Variants in NUDT6 observed in about 807,000 individuals in gnomAD.
NUDT6 encodes the protein nudix hydrolase 6, also known as FAD diphosphatase NUDT6.
A neutral mutation model predicts 36.8 loss-of-function variants in NUDT6; 24 were observed. The ratio of observed to expected loss-of-function variants is 0.65; its 90% CI spans 0.47 to 0.92. The LOEUF (loss-of-function observed/expected upper bound fraction) is 0.92. Ranked by LOEUF, NUDT6 falls within the 40% of genes least tolerant of loss-of-function variation. The probability of loss-of-function intolerance (pLI) is 0.00; values close to 1 mark genes in which losing one functional copy is unlikely to be tolerated. For missense variants in NUDT6, 388 were observed against 392.8 expected (o/e 0.99, Z 0.10); for synonymous variants, 163 against 157.0 (o/e 1.04, Z -0.29).
At chr4:122,909,486 G>T (rs1727688145) in intron 3 of NUDT6, among the ~76,000 whole-genome samples, 1 of 152,134 alleles carries the variant, frequency 6.6e-6, no homozygotes, top group South Asian at 2.1e-4. Flanking sequence ...AAACATGATA[G>T]AATTAAAATT....
Position 122,917,699 on chromosome 4 carries a change from C to T in NUDT6, c.244G>A (p.Val82Ile), listed in dbSNP as rs1347392649. Residue 82 changes from valine to isoleucine, a missense_variant, in exon 2 of 5, where the codon GTA becomes ATA. Physicochemically the swap from Val to Ile is conservative, Grantham distance 29. Transcript: ENST00000304430. ...CTACCTTCTGATCGCCATTGCTGTA[C>T]TGCAGCTAAATGCAGAAGAAAAAAG... Reference protein sequence around the residue: ...AAFQKGLQAAVQQWRSEGRTA... With the variant: ...AAFQKGLQAAIQQWRSEGRTA... The T allele has an allele frequency of 1.2e-6, 2 of 1,613,788 alleles. No homozygotes were observed. The highest frequency in any genetic ancestry group is 1.7e-6 in the Non-Finnish European group (2 of 1,179,864).
chr4:122,917,349 A>G, intron 2 of NUDT6, 152 bp downstream of exon 2: 1 of 692,228 alleles, frequency 1.4e-6, no homozygotes. Flanking sequence ...GGGGTCTTGG[A>G]ACACATCCTG....
rs183112724 is a variant in NUDT6 at position 122,913,579 on chromosome 4, A to T, written c.443-956T>A. Among the ~76,000 whole-genome samples the T allele has an allele frequency of 6.5e-4, 99 of 152,326 alleles. 1 individual carries two copies. The highest frequency in any genetic ancestry group is 2.3e-3 in the African/African-American group (96 of 41,568). ...ACAACACAGGCTGTGCCCCCTGATG[A>T]TCCAAATCTCAAATATCTCAATATT... On this transcript the variant is annotated intron_variant, in intron 2 of 4. Transcript: ENST00000304430.
At chr4:122,904,905 C>G (rs926928533) in intron 3 of NUDT6, among the ~76,000 whole-genome samples, 1 of 152,172 alleles carries the variant, frequency 6.6e-6, no homozygotes, top group Non-Finnish European at 1.5e-5. Context: ...CTTGGTCTCA[C>G]TGACTTCAAG....
intron 3 of NUDT6, among the ~76,000 whole-genome samples, chr4:122,907,493 C>G (rs1727642954): frequency 6.7e-6 from 1 of 150,196 alleles, no homozygotes; most frequent in Non-Finnish European, 1.5e-5. Flanking sequence ...CTCAGTCACC[C>G]AGGCTGGAGT....
intron 3 of NUDT6, among the ~76,000 whole-genome samples, chr4:122,912,037 T>A (rs1727742189): frequency 6.6e-6 from 1 of 152,218 alleles, no homozygotes; most frequent in Non-Finnish European, 1.5e-5. Context: ...TTTTATTTTT[T>A]TTCTTCTGCA....
chr4:122,903,946 GTTTGAGT>G (rs1338783471), intron 3 of NUDT6, among the ~76,000 whole-genome samples: 4 of 152,178 alleles, frequency 2.6e-5, no homozygotes, highest in Non-Finnish European at 5.9e-5. Context: ...AGAGCAAGAG[GTTTGAGT>G]TTTAACTGTG....
At chr4:122,900,208 A>G (rs1727492334) in intron 3 of NUDT6, among the ~76,000 whole-genome samples, 1 of 151,884 alleles carries the variant, frequency 6.6e-6, no homozygotes, top group Non-Finnish European at 1.5e-5. Flanking sequence ...CTTCATCCAA[A>G]TCCTTTTCCG....
intron 1 of NUDT6, chr4:122,920,951 T>C (rs1371871976): frequency 6.6e-6 from 1 of 152,230 alleles, no homozygotes. Context: ...AAAGATTATT[T>C]TGAGTTTCCA....
rs573253522 is a variant in NUDT6, at chr4:122,915,390, A to T, written c.442+2111T>A. 4.8e-5 allele frequency among the ~76,000 whole-genome samples: 7 copies of T among 145,080 alleles called. No homozygotes were observed. In the East Asian group the frequency reaches 1.4e-3, roughly 29 times the overall value. ...GAGGCTAAGGCAGGAGGATCACTTG[A>T]GCTAAAGAGGTGGAGGTCGGAATGA... On this transcript the variant is annotated intron_variant, in intron 2 of 4. Transcript: ENST00000304430.
intron 3 of NUDT6, among the ~76,000 whole-genome samples, chr4:122,909,212 C>T (rs1054483093): frequency 5.3e-5 from 8 of 152,012 alleles, no homozygotes; most frequent in African/African-American, 9.7e-5. Context: ...ACCATAGGTG[C>T]GCACCACCAT....
chr4:122,916,529 A>G (rs1469132703), intron 2 of NUDT6, among the ~76,000 whole-genome samples: 1 of 152,214 alleles, frequency 6.6e-6, no homozygotes, highest in Admixed American at 6.5e-5. Flanking sequence ...TCTGCAATAA[A>G]TTTATTCCCT....
chr4:122,900,347 T>G (rs1727495715), intron 3 of NUDT6, among the ~76,000 whole-genome samples: 1 of 139,660 alleles, frequency 7.2e-6, no homozygotes, highest in Admixed American at 6.9e-5. Flanking sequence ...AAACTTCCTT[T>G]TTTTCCTTCG....
intron 4 of NUDT6, chr4:122,895,325 G>A (rs764883431): frequency 1.3e-5 from 2 of 152,096 alleles, no homozygotes; most frequent in African/African-American, 2.4e-5. Context: ...TTTTATTTTT[G>A]CTGATGAAGA....
rs918574672 is a variant in NUDT6 at position 122,922,481 on chromosome 4, C to G, written c.92G>C (p.Gly31Ala). The G allele has an allele frequency of 1.9e-6, 3 of 1,611,550 alleles. No homozygotes were observed. Among genetic ancestry groups the G allele is most frequent in the Admixed American group, 3.3e-5 (2 of 59,994 alleles). ...GPSAGYRWAS[G>A]AQGYVRNPPV... ...CGGATTCCGCACGTAACCCTGTGCG[C>G]CCGAGGCCCAGCGGTAACCCGCCGA... Residue 31 changes from glycine (G) to alanine (A), a missense_variant, in exon 1 of 5, where the codon GGC (glycine) becomes GCC (alanine). By Grantham distance (60) the Gly-to-Ala change is moderately conservative (BLOSUM62 0). Transcript: ENST00000304430.
intron 3 of NUDT6, among the ~76,000 whole-genome samples, chr4:122,906,989 G>GTTC (rs1254017530): frequency 1.3e-5 from 2 of 152,164 alleles, no homozygotes; most frequent in African/African-American, 4.8e-5. Context: ...GGAACCCTCA[G>GTTC]TTCCGGGAAT....
chr4:122,893,097 G>A lies in NUDT6; in HGVS notation c.682C>T (p.Arg228Cys), dbSNP rs746508996. 1.4e-5 allele frequency: 23 copies of A among 1,613,984 alleles called. No homozygotes were observed. The highest frequency in any genetic ancestry group is 3.3e-5 in the Admixed American group (2 of 59,996). ...ATGGTGAATGAATATGGCTTTAGGC[G>A]GCAGATGATATACATATCTGACTTC... ...FGKSDMYIIC[R>C]LKPYSFTINF... Residue 228 changes from arginine to cysteine, a missense_variant, in exon 5 of 5, where the codon CGC (arginine) becomes TGC (cysteine). Arg to Cys is a radical substitution (Grantham distance 180, BLOSUM62 -3). Transcript: ENST00000304430.
intron 3 of NUDT6, among the ~76,000 whole-genome samples, chr4:122,910,509 T>C (rs1057260144): frequency 2.6e-5 from 4 of 152,168 alleles, no homozygotes; most frequent in African/African-American, 9.7e-5. Context: ...CTGCTTGGAG[T>C]GGCACAATCA....
intron 3 of NUDT6, among the ~76,000 whole-genome samples, chr4:122,909,147 C>A (rs928832468): frequency 6.6e-6 from 1 of 151,900 alleles, no homozygotes; most frequent in Non-Finnish European, 1.5e-5. Context: ...CTCACTGTAG[C>A]CTTGACCTTC....
Sources: gnomAD v4.1 joint callset for allele counts (sites outside exome capture counted in the v4.1 genomes callset) on GRCh38, gnomAD v4.1.1 for gene constraint, MANE v1.5 for transcripts, NCBI Gene and HGNC (gene_info 2026-07-23, HGNC 2026-07-21) for gene names.